Variants in FAM13A observed in about 807,000 individuals in gnomAD.
FAM13A encodes the protein family with sequence similarity 13 member A.
A neutral mutation model predicts 129.6 loss-of-function variants in FAM13A; 76 were observed. The ratio of observed to expected loss-of-function variants is 0.59; its 90% CI spans 0.49 to 0.71. The LOEUF (loss-of-function observed/expected upper bound fraction) is 0.71. Among genes scored for constraint, FAM13A ranks in the 30% least tolerant of loss-of-function variants. The probability of loss-of-function intolerance (pLI) is 0.00; values close to 1 mark genes in which losing one functional copy is unlikely to be tolerated. For synonymous variants in FAM13A, 443 were observed against 449.9 expected (o/e 0.98, Z 0.20); for missense variants, 1,108 against 1,249.3 (o/e 0.89, Z 1.70).
intron 18 of FAM13A, among the ~76,000 whole-genome samples, chr4:88,747,421 A>G (rs1741590485): frequency 6.6e-6 from 1 of 152,236 alleles, no homozygotes; most frequent in Admixed American, 6.5e-5. Flanking sequence ...AATCTATACA[A>G]TAGAGTTTTG....
chr4:88,792,737 T>C (rs1454307749), intron 8 of FAM13A, among the ~76,000 whole-genome samples: 2 of 151,910 alleles, frequency 1.3e-5, no homozygotes, highest in Non-Finnish European at 2.9e-5. Context: ...CAAAGACATG[T>C]CATTAGCCTG....
chr4:88,864,021 A>G (rs576600647), intron 6 of FAM13A, among the ~76,000 whole-genome samples: 3 of 152,256 alleles, frequency 2.0e-5, no homozygotes, highest in Non-Finnish European at 2.9e-5. Context: ...AAACAAAAAA[A>G]TCGGAATATA....
intron 1 of FAM13A, among the ~76,000 whole-genome samples, chr4:89,033,290 C>A (rs1768944498): frequency 6.6e-6 from 1 of 152,102 alleles, no homozygotes. Flanking sequence ...CTATGCCAGT[C>A]AGGGCTGCCA....
intron 17 of FAM13A, among the ~76,000 whole-genome samples, 191 bp downstream of exon 17, chr4:88,748,761 C>T (rs1741914537): frequency 6.6e-6 from 1 of 152,184 alleles, no homozygotes; most frequent in Admixed American, 6.5e-5. Context: ...CGCCTCTTAG[C>T]TGATCGGGTT....
chr4:88,827,803 T>G (rs1180734259), intron 7 of FAM13A, among the ~76,000 whole-genome samples: 1 of 152,190 alleles, frequency 6.6e-6, no homozygotes, highest in African/African-American at 2.4e-5. Flanking sequence ...TTAGTCAACA[T>G]CCTACCATGC....
chr4:88,828,698 A>G (rs187884205), intron 7 of FAM13A, among the ~76,000 whole-genome samples: 1 of 152,292 alleles, frequency 6.6e-6, no homozygotes, highest in African/African-American at 2.4e-5. Context: ...TTAGATTTAA[A>G]CTTATCAAGC....
chr4:88,758,874 G>T lies in FAM13A; in HGVS notation c.1606C>A (p.Pro536Thr), dbSNP rs757178847. The part of the protein sequence containing the change: ...ESPTMKIQEH[P>T]SLSDTKQQRN... ...TGCTGTTTGGTGTCAGATAGGCTGGGATGCTCCTGGATCTTCATTGTGGGG... is the reference window on the plus strand; with the variant it reads ...TGCTGTTTGGTGTCAGATAGGCTGGTATGCTCCTGGATCTTCATTGTGGGG... Residue 536 changes from proline (P) to threonine (T), a missense_variant, in exon 14 of 24, where the codon CCC (proline) becomes ACC (threonine). By Grantham distance (38) the Pro-to-Thr change is conservative. Transcript: ENST00000264344. The T allele has an allele frequency of 6.2e-7, 1 of 1,613,960 alleles. No homozygotes were observed. Among genetic ancestry groups the T allele is most frequent in the East Asian group, 2.2e-5 (1 of 44,870 alleles).
chr4:88,977,350 G>T (rs1448433305), intron 4 of FAM13A, among the ~76,000 whole-genome samples: 2 of 152,138 alleles, frequency 1.3e-5, no homozygotes, highest in African/African-American at 2.4e-5. Context: ...TGAAGCCATA[G>T]AAAGTGAAAC....
Position 88,961,347 on chromosome 4 carries a change from C to CTTTTTTTTTTT in FAM13A, c.606-23117_606-23107dup, listed in dbSNP as rs773764813. ...AAATCCTCAGCTTTGTGGAATTTGC[C>CTTTTTTTTTTT]TTTTTTTTTTTTTTTTTTTTTTTTT... On this transcript the variant is annotated intron_variant, in intron 4 of 23. Coordinates refer to ENST00000264344, the MANE Select transcript of FAM13A (RefSeq NM_014883.4). 3.1e-4 allele frequency among the ~76,000 whole-genome samples: 17 copies of CTTTTTTTTTTT among 55,442 alleles called. 3 individuals are homozygous for CTTTTTTTTTTT. Among genetic ancestry groups the CTTTTTTTTTTT allele is most frequent in the African/African-American group, 4.3e-4 (6 of 13,830 alleles). The allele number at this position is 55,442 out of a possible 152,430, so 36.4% of individuals were successfully genotyped here.
At chr4:89,004,348 A>G (rs1202748699) in intron 3 of FAM13A, among the ~76,000 whole-genome samples, 1 of 152,136 alleles carries the variant, frequency 6.6e-6, no homozygotes, top group Non-Finnish European at 1.5e-5. Context: ...CATGTCAGCC[A>G]GGCTGGTCTC....
At chr4:88,936,445 C>T (rs1469352861) in intron 5 of FAM13A, 1 of 152,184 alleles carries the variant, frequency 6.6e-6, no homozygotes, top group Admixed American at 6.6e-5. Context: ...GGAAGTGCCA[C>T]ACACTTTTAA....
At chr4:88,824,162 A>G (rs1444029787) in intron 7 of FAM13A, among the ~76,000 whole-genome samples, 1 of 152,194 alleles carries the variant, frequency 6.6e-6, no homozygotes, top group Non-Finnish European at 1.5e-5. Context: ...ATACATTTTA[A>G]GAAAAATAGC....
At chr4:88,861,635 T>C (rs1338527620) in intron 6 of FAM13A, among the ~76,000 whole-genome samples, 1 of 152,160 alleles carries the variant, frequency 6.6e-6, no homozygotes, top group African/African-American at 2.4e-5. Flanking sequence ...ATGCTGAGCC[T>C]TGGACTAGGC....
intron 3 of FAM13A, among the ~76,000 whole-genome samples, chr4:89,004,580 A>G (rs984749514): frequency 5.3e-5 from 8 of 152,228 alleles, no homozygotes; most frequent in African/African-American, 1.9e-4. Context: ...TTCTAATCAT[A>G]AGGCAGGTAA....
intron 3 of FAM13A, among the ~76,000 whole-genome samples, chr4:89,015,982 G>A (rs1464942592): frequency 2.6e-5 from 4 of 151,934 alleles, no homozygotes; most frequent in East Asian, 1.9e-4. Context: ...ATATACACAT[G>A]TGTATGTTAA....
intron 6 of FAM13A, among the ~76,000 whole-genome samples, chr4:88,899,896 A>G (rs957487330): frequency 6.6e-6 from 1 of 152,108 alleles, no homozygotes; most frequent in Non-Finnish European, 1.5e-5. Context: ...ATAAAACAAT[A>G]TAGGAGCTGA....
chr4:88,794,050 T>C (rs1725697398), intron 8 of FAM13A, among the ~76,000 whole-genome samples: 1 of 152,150 alleles, frequency 6.6e-6, no homozygotes, highest in Non-Finnish European at 1.5e-5. Flanking sequence ...TTCATCTGTA[T>C]GTAGCTTGCT....
chr4:88,964,633 C>CTT (rs763599993), intron 4 of FAM13A, among the ~76,000 whole-genome samples: 11 of 135,664 alleles, frequency 8.1e-5, no homozygotes, highest in African/African-American at 1.1e-4. Context: ...ACACTCTGCT[C>CTT]TTTTTTTTTT....
At chr4:88,828,055 G>C (rs973336356) in intron 7 of FAM13A, among the ~76,000 whole-genome samples, 3 of 152,114 alleles carry the variant, frequency 2.0e-5, no homozygotes, top group African/African-American at 7.2e-5. Context: ...TGTTCCCTCT[G>C]TCTGGAATAT....
Sources: gnomAD v4.1 joint callset for allele counts (sites outside exome capture counted in the v4.1 genomes callset) on GRCh38, gnomAD v4.1.1 for gene constraint, MANE v1.5 for transcripts, NCBI Gene and HGNC (gene_info 2026-07-23, HGNC 2026-07-21) for gene names.